Variants in CHRNA7 observed in about 807,000 individuals in gnomAD.
The protein encoded by CHRNA7 is cholinergic receptor nicotinic alpha 7 subunit, also known as neuronal acetylcholine receptor subunit alpha-7.
In CHRNA7, 17 loss-of-function variants were observed where a neutral mutation model predicts 48.0. The observed-to-expected ratio is 0.35, with a 90% CI of 0.24 to 0.53. CHRNA7 has a LOEUF of 0.53. Among genes scored for constraint, CHRNA7 ranks in the 20% least tolerant of loss-of-function variants. CHRNA7 has a pLI of 0.92. For synonymous variants in CHRNA7, 75 were observed against 242.3 expected (o/e 0.31, Z 6.41); for missense variants, 155 against 577.7 (o/e 0.27, Z 7.50).
chr15:32,113,601 C>T (rs1314122552), intron 4 of CHRNA7, among the ~76,000 whole-genome samples: 4 of 152,054 alleles, frequency 2.6e-5, no homozygotes, highest in Admixed American at 2.0e-4. Flanking sequence ...TCACAGAGTT[C>T]GGAGGATCGC....
intron 4 of CHRNA7, 132 bp downstream of exon 4, chr15:32,112,031 T>G: frequency 1.5e-6 from 1 of 688,980 alleles, no homozygotes. Context: ...CTACACGGCT[T>G]TCCGAGCGGC....
chr15:32,044,558 G>C (rs1402760986), intron 2 of CHRNA7, among the ~76,000 whole-genome samples: 1 of 152,192 alleles, frequency 6.6e-6, no homozygotes, highest in Non-Finnish European at 1.5e-5. Flanking sequence ...TTACAGGCGT[G>C]AGCCACTGTG....
chr15:32,157,516 G>A lies in CHRNA7; in HGVS notation c.431-92G>A, dbSNP rs567691215. On this transcript the variant is annotated intron_variant, in intron 5 of 9. Coordinates refer to ENST00000306901, the MANE Select transcript of CHRNA7 (RefSeq NM_000746.6). ...CTCTGGACTGTGTTAGCTGCAGTGCGGAGGGCGGAACCGGCTGAAGGAACT... is the reference window on the plus strand; with the variant it reads ...CTCTGGACTGTGTTAGCTGCAGTGCAGAGGGCGGAACCGGCTGAAGGAACT... 89 of 803,874 alleles carry A rather than the reference G, an allele frequency of 1.1e-4. 17 individuals are homozygous for A. The East Asian group carries it at 1.6e-3, about 14-fold the overall frequency. The allele number at this position is 803,874 out of a possible 1,614,324, so 49.8% of individuals were successfully genotyped here. A position where few individuals can be genotyped will look rare whatever the true frequency, so the allele number is the denominator to read the frequency against.
intron 2 of CHRNA7, among the ~76,000 whole-genome samples, chr15:32,034,686 A>T (rs1595368518): frequency 6.6e-6 from 1 of 152,236 alleles, no homozygotes; most frequent in South Asian, 2.1e-4. Context: ...AAAAGGAAAT[A>T]GTCCAAACCA....
chr15:32,113,082 A>G (rs1049473449), intron 4 of CHRNA7, among the ~76,000 whole-genome samples: 38 of 152,208 alleles, frequency 2.5e-4, no homozygotes, highest in African/African-American at 8.9e-4. Context: ...TAGTTTGCCA[A>G]GGCTGCTGTA....
chr15:32,119,334 G>A (rs2050927201), intron 4 of CHRNA7, among the ~76,000 whole-genome samples: 1 of 152,226 alleles, frequency 6.6e-6, no homozygotes. Flanking sequence ...GACTTAAGTA[G>A]TCTTTGACAC....
At chr15:32,044,970 C>T (rs1310368505) in intron 2 of CHRNA7, among the ~76,000 whole-genome samples, 2 of 152,194 alleles carry the variant, frequency 1.3e-5, no homozygotes, top group Non-Finnish European at 2.9e-5. Flanking sequence ...TTTCTGTTGA[C>T]ATATATTCAA....
intron 4 of CHRNA7, among the ~76,000 whole-genome samples, chr15:32,114,045 T>TATATATATACACAC (rs1491172763): frequency 1.4e-4 from 5 of 35,344 alleles, no homozygotes; most frequent in South Asian, 4.1e-3. Flanking sequence ...TATATATATG[T>TATATATATACACAC]ATATATATAT....
intron 2 of CHRNA7, among the ~76,000 whole-genome samples, chr15:32,046,326 A>G (rs1455044431): frequency 6.9e-6 from 1 of 144,088 alleles, no homozygotes; most frequent in African/African-American, 2.7e-5. Flanking sequence ...GCTCTCCAGC[A>G]CCTGTTGTTT....
At chr15:32,106,633 A>G (rs574684159) in intron 3 of CHRNA7, among the ~76,000 whole-genome samples, 1 of 152,336 alleles carries the variant, frequency 6.6e-6, no homozygotes, top group South Asian at 2.1e-4. Context: ...GATTTAATCT[A>G]TGAGAAAAAA....
chr15:32,103,629 A>G (rs1461728805), intron 3 of CHRNA7, among the ~76,000 whole-genome samples: 1 of 152,080 alleles, frequency 6.6e-6, no homozygotes, highest in Non-Finnish European at 1.5e-5. Flanking sequence ...CCCAGGACAC[A>G]TGATCTGTGC....
intron 4 of CHRNA7, chr15:32,112,485 C>T (rs1595460313): frequency 5.3e-6 from 2 of 378,520 alleles, no homozygotes; most frequent in South Asian, 3.9e-5. Context: ...TAAACCAAGA[C>T]AGTCTGACTT....
chr15:32,125,867 A>T (rs1465089510), intron 4 of CHRNA7, among the ~76,000 whole-genome samples: 4 of 152,072 alleles, frequency 2.6e-5, no homozygotes, highest in Non-Finnish European at 4.4e-5. Context: ...CTTTAATTAG[A>T]TGGAAACTAG....
intron 5 of CHRNA7, 173 bp from the exon 6 acceptor site, chr15:32,157,435 A>C: frequency 2.1e-6 from 1 of 466,484 alleles, no homozygotes; most frequent in Non-Finnish European, 4.0e-6. Context: ...AGTGAAGCTT[A>C]GCTGAGATTC....
intron 2 of CHRNA7, among the ~76,000 whole-genome samples, chr15:32,076,688 G>A (rs1012477823): frequency 2.6e-5 from 4 of 152,084 alleles, no homozygotes; most frequent in African/African-American, 9.7e-5. Flanking sequence ...CACATATCCT[G>A]TGTCACCCCA....
chr15:32,136,956 C>T (rs1182127767), intron 4 of CHRNA7, among the ~76,000 whole-genome samples: 3 of 132,446 alleles, frequency 2.3e-5, no homozygotes, highest in African/African-American at 2.9e-5. Flanking sequence ...GGCGTGAACC[C>T]GGGAGGCGGA....
intron 2 of CHRNA7, among the ~76,000 whole-genome samples, chr15:32,052,137 C>T (rs1488046543): frequency 6.6e-6 from 1 of 151,986 alleles, no homozygotes; most frequent in Non-Finnish European, 1.5e-5. Flanking sequence ...CCCTCTCTTC[C>T]TGGATCTTGT....
At chr15:32,123,572 G>A (rs1397259327) in intron 4 of CHRNA7, among the ~76,000 whole-genome samples, 1 of 152,132 alleles carries the variant, frequency 6.6e-6, no homozygotes, top group East Asian at 1.9e-4. Flanking sequence ...TCAGACTACA[G>A]CAAAAACTTC....
At chr15:32,148,623 G>C (rs1029461569) in intron 4 of CHRNA7, among the ~76,000 whole-genome samples, 5 of 152,174 alleles carry the variant, frequency 3.3e-5, no homozygotes, top group African/African-American at 1.2e-4. Context: ...TGCCCCATGG[G>C]CTCCCCCTGC....
Sources: gnomAD v4.1 joint callset for allele counts (sites outside exome capture counted in the v4.1 genomes callset) on GRCh38, gnomAD v4.1.1 for gene constraint, MANE v1.5 for transcripts, NCBI Gene and HGNC (gene_info 2026-07-23, HGNC 2026-07-21) for gene names.